NDUFA8: variants seen among roughly 807,000 people sequenced by gnomAD.
NDUFA8 encodes the protein NADH dehydrogenase [ubiquinone] 1 alpha subcomplex subunit 8.
Under a neutral mutation model 20.9 loss-of-function variants are expected in NDUFA8, and 16 were observed. That is an observed-to-expected ratio of 0.77 (90% confidence interval 0.52 to 1.16). NDUFA8 has a LOEUF of 1.16. NDUFA8 is among the 50% of genes most tolerant of loss of function. The pLI is 0.00. For synonymous variants in NDUFA8, 70 were observed against 76.1 expected, an observed-to-expected ratio of 0.92 and a Z score of 0.41; for missense variants, 202 against 216.4, an observed-to-expected ratio of 0.93 and a Z score of 0.42.
At chr9:122,142,920 A>G (rs192340556), downstream of NDUFA8, among the ~76,000 whole-genome samples, 832 of 152,314 alleles carry the variant, frequency 5.5e-3, 3 homozygotes, top group Non-Finnish European at 7.5e-3. Flanking sequence ...GCTATTGAAA[A>G]AAATGCAAAA....
intron 2 of NDUFA8, among the ~76,000 whole-genome samples, chr9:122,149,656 T>C (rs1170029549): frequency 6.6e-6 from 1 of 152,172 alleles, no homozygotes; most frequent in African/African-American, 2.4e-5. Flanking sequence ...AAAGTTCTCT[T>C]AGAAAATAAA....
At chr9:122,147,788 G>A (rs868468035) in intron 3 of NDUFA8, among the ~76,000 whole-genome samples, 6 of 151,610 alleles carry the variant, frequency 4.0e-5, no homozygotes, top group Admixed American at 6.6e-5. Context: ...CACCACACCC[G>A]GCTAATTTTT....
chr9:122,143,468 C>T (rs964635936), downstream of NDUFA8, among the ~76,000 whole-genome samples: 30 of 152,156 alleles, frequency 2.0e-4, no homozygotes, highest in African/African-American at 7.2e-4. Context: ...TAAGCATGTG[C>T]CCTTTAGTTT....
intron 1 of NDUFA8, 98 bp from the exon 2 acceptor site, chr9:122,152,506 T>C: frequency 3.5e-6 from 4 of 1,157,568 alleles, no homozygotes; most frequent in Non-Finnish European, 5.1e-6. Flanking sequence ...AACACAAAAG[T>C]AGCACTGTTC....
At chr9:122,133,722 C>T in the NDUFA8 span, among the ~76,000 whole-genome samples, 1 of 152,334 alleles carries the variant, frequency 6.6e-6, no homozygotes, top group East Asian at 1.9e-4. Context: ...GTCAGGCAGC[C>T]TTGGCCAGGC....
At chr9:122,135,045 C>A in the NDUFA8 span, among the ~76,000 whole-genome samples, 1 of 152,220 alleles carries the variant, frequency 6.6e-6, no homozygotes, top group East Asian at 1.9e-4. Flanking sequence ...CATTGTCCAC[C>A]AATTAGCCCA....
At chr9:122,135,446 T>G in the NDUFA8 span, among the ~76,000 whole-genome samples, 1 of 152,202 alleles carries the variant, frequency 6.6e-6, no homozygotes, top group African/African-American at 2.4e-5. Flanking sequence ...TAGAGCTGCA[T>G]GGCCTGGGCG....
rs1828869356 is a variant in NDUFA8 at position 122,144,362 on chromosome 9, G to A, written c.398C>T (p.Thr133Ile). 1 of 1,614,056 alleles carries A rather than the reference G, an allele frequency of 6.2e-7. No homozygotes were observed. The highest frequency in any genetic ancestry group is 8.5e-7 in the Non-Finnish European group (1 of 1,180,012). ...GGGATTCTCCGGTAAAGGTCGATCT[G>A]TTTTCACTTTGGTGACCTGGGAAGG... Reference protein sequence around the residue: ...GELSKVTKVKTDRPLPENPYH... With the variant: ...GELSKVTKVKIDRPLPENPYH... Residue 133 changes from threonine to isoleucine, a missense_variant, in exon 4 of 4, where the codon ACA becomes ATA. Physicochemically the swap from Thr to Ile is moderately conservative, Grantham distance 89 (BLOSUM62 -1). Coordinates refer to ENST00000373768, the MANE Select transcript of NDUFA8 (RefSeq NM_014222.3).
At chr9:122,158,377 T>C (rs79229398) in intron 1 of NDUFA8, among the ~76,000 whole-genome samples, 198 of 152,194 alleles carry the variant, frequency 1.3e-3, no homozygotes, top group Middle Eastern at 6.8e-3. Context: ...TTCCAAGTCC[T>C]ATCTCAGCCC....
intron 2 of NDUFA8, 109 bp downstream of exon 2, chr9:122,152,136 C>G (rs1829008947): frequency 1.6e-6 from 2 of 1,284,042 alleles, no homozygotes; most frequent in East Asian, 2.3e-5. Context: ...GGTCTGATTT[C>G]AAAGCCTATG....
chr9:122,154,647 AT>A, intron 1 of NDUFA8, among the ~76,000 whole-genome samples: 1 of 152,062 alleles, frequency 6.6e-6, no homozygotes, highest in Non-Finnish European at 1.5e-5. Flanking sequence ...CTGCTACTTT[AT>A]TTTTTTCTTC....
chr9:122,142,501 G>A (rs1588289749), downstream of NDUFA8, among the ~76,000 whole-genome samples: 1 of 152,200 alleles, frequency 6.6e-6, no homozygotes, highest in East Asian at 1.9e-4. Flanking sequence ...TGATTCCAAT[G>A]TGCACTCAAA....
the NDUFA8 span, among the ~76,000 whole-genome samples, chr9:122,137,238 C>CTTTTTTTTTTTTTT: frequency 9.4e-6 from 1 of 106,588 alleles, no homozygotes; most frequent in Non-Finnish European, 1.8e-5. Context: ...TTTTCCTTTC[C>CTTTTTTTTTTTTTT]TTTTTTTTTT....
the NDUFA8 span, among the ~76,000 whole-genome samples, chr9:122,136,936 C>T: frequency 6.6e-6 from 1 of 152,266 alleles, no homozygotes; most frequent in East Asian, 1.9e-4. Context: ...CCACTCCTGC[C>T]CTTTAGGCTT....
At chr9:122,159,381 A>G (rs1829139740) in intron 1 of NDUFA8, among the ~76,000 whole-genome samples, 1 of 152,210 alleles carries the variant, frequency 6.6e-6, no homozygotes, top group South Asian at 2.1e-4. Context: ...AAGGAGAAAT[A>G]GGTCGCTGTG....
At chr9:122,132,870 T>G in the NDUFA8 span, 1 of 455,014 alleles carries the variant, frequency 2.2e-6, no homozygotes, top group South Asian at 1.6e-5. Context: ...AGACTGGAAA[T>G]AGAAGTGTCG....
chr9:122,154,039 C>A (rs1034523876), intron 1 of NDUFA8, among the ~76,000 whole-genome samples: 4 of 152,214 alleles, frequency 2.6e-5, no homozygotes, highest in Admixed American at 6.5e-5. Context: ...ACCAATTACA[C>A]TGGGGTCATT....
chr9:122,136,588 G>A, the NDUFA8 span, among the ~76,000 whole-genome samples: 1 of 150,986 alleles, frequency 6.6e-6, no homozygotes, highest in Non-Finnish European at 1.5e-5. Context: ...ACGGAGTCTC[G>A]CTCTGTCACC....
downstream of NDUFA8, chr9:122,144,013 C>A: frequency 1.5e-6 from 2 of 1,346,054 alleles, no homozygotes; most frequent in Non-Finnish European, 9.6e-7. Context: ...GGGAAGTCAT[C>A]TTTAAAGGCC....
Sources: allele counts gnomAD v4.1 joint callset (sites outside exome capture counted in the v4.1 genomes callset), GRCh38; gene constraint gnomAD v4.1.1; transcripts MANE v1.5; gene names NCBI Gene and HGNC (gene_info 2026-07-23, HGNC 2026-07-21).